The following DSCAML1 variants were observed in gnomAD, a reference collection of about 807,000 sequenced individuals.
DSCAML1 encodes cell adhesion molecule DSCAML1.
DSCAML1 carries 38 observed loss-of-function variants against 200.5 expected under a neutral mutation model. That is an observed-to-expected ratio of 0.19 (90% CI 0.15 to 0.25). The LOEUF (loss-of-function observed/expected upper bound fraction) is 0.25. DSCAML1 is among the 10% of genes least tolerant of loss of function. The pLI is 1.00. For missense variants in DSCAML1, 2,223 were observed against 2,858.8 expected (o/e 0.78, Z 5.07); for synonymous variants, 1,215 against 1,165.0 (o/e 1.04, Z -0.87).
chr11:117,720,656 T>C (rs1403166071), intron 3 of DSCAML1, among the ~76,000 whole-genome samples: 1 of 152,244 alleles, frequency 6.6e-6, no homozygotes, highest in African/African-American at 2.4e-5. Flanking sequence ...GTCTTGGACT[T>C]GAGTCAGCCA....
Position 117,461,517 on chromosome 11 carries a change from C to A in DSCAML1, c.3345G>T (p.Pro1115=), listed in dbSNP as rs572641245. 10 of 1,614,150 alleles carry A rather than the reference C, an allele frequency of 6.2e-6. No individual in the cohort carries two copies. The highest frequency in any genetic ancestry group is 8.5e-6 in the Non-Finnish European group (10 of 1,180,032). The change falls in exon 18 of 33, where the codon CCG becomes CCT. Residue 1115 remains proline, a synonymous_variant. Transcript: ENST00000651296. ...TGAGGACGCCATTGAGGGTGCTGCG[C>A]GGGGGCTCTGACCAGGAGATGACGG... ...DVAVISWSEP[P]RSTLNGVLKG...
chr11:117,493,301 C>T (rs1376231226), intron 11 of DSCAML1, among the ~76,000 whole-genome samples: 2 of 150,934 alleles, frequency 1.3e-5, no homozygotes, highest in African/African-American at 2.4e-5. Flanking sequence ...CCCAGTTTTC[C>T]CCCTGCCTCT....
At chr11:117,550,128 A>G (rs757197590) in intron 3 of DSCAML1, among the ~76,000 whole-genome samples, 1 of 152,126 alleles carries the variant, frequency 6.6e-6, no homozygotes, top group African/African-American at 2.4e-5. Context: ...GCCTTTTACT[A>G]TTAATTTGTA....
intron 3 of DSCAML1, among the ~76,000 whole-genome samples, chr11:117,683,234 A>G (rs2053341950): frequency 6.6e-6 from 1 of 152,216 alleles, no homozygotes; most frequent in Admixed American, 6.5e-5. Context: ...AGGTCTGAAA[A>G]GAGGGAGTGC....
rs2137277092 is a variant in DSCAML1 at position 117,505,011 on chromosome 11, G to C, written c.2095C>G (p.Gln699Glu). 1.2e-6 allele frequency: 2 copies of C among 1,612,772 alleles called. No individual in the cohort carries two copies. The highest frequency in any genetic ancestry group is 8.5e-7 in the Non-Finnish European group (1 of 1,179,320). The change falls in exon 10 of 33, where the codon CAG (glutamine) becomes GAG (glutamate). Residue 699 changes from glutamine to glutamate, a missense_variant. Gln to Glu is a conservative substitution (Grantham distance 29). Transcript: ENST00000651296. This position sits in a 1 kb window ranked among gnomAD's most constrained non-coding sequence, Gnocchi z 6.7. ...PPRFVVQPNN[Q>E]DGIYGKAGVL... ...CCAGCTTTGCCGTAGATGCCATCCT[G>C]GTTGTTGGGTTGCACCACAAATCGA...
Position 117,503,818 on chromosome 11 carries a change from TA to T in DSCAML1, c.2359+26del. On this transcript the variant is annotated intron_variant, in intron 11 of 32. Coordinates refer to ENST00000651296, the MANE Select transcript of DSCAML1 (RefSeq NM_020693.4). This position sits in a 1 kb window ranked among gnomAD's most constrained non-coding sequence, Gnocchi z 5.2. ...GGGCTTGGCTGTGATTTGGGGGTGC[TA>T]GGGGGCGTGTGGGGACAGGACTCAC... is the stretch of plus-strand genomic sequence containing the variant. 1 of 1,605,380 alleles carries T rather than the reference TA, an allele frequency of 6.2e-7. No individual in the cohort carries two copies. Among genetic ancestry groups the T allele is most frequent in the Non-Finnish European group, 8.5e-7 (1 of 1,175,554 alleles).
At chr11:117,484,036 TG>T (rs2048986210) in intron 11 of DSCAML1, among the ~76,000 whole-genome samples, 1 of 21,158 alleles carries the variant, frequency 4.7e-5, no homozygotes, top group Admixed American at 3.6e-4. Context: ...CCCCCGCCCC[TG>T]CCCCCCGCCC....
intron 3 of DSCAML1, among the ~76,000 whole-genome samples, chr11:117,699,226 G>A (rs1016043656): frequency 1.3e-5 from 2 of 152,190 alleles, no homozygotes; most frequent in African/African-American, 4.8e-5. Context: ...ACAAAGGCAG[G>A]AGCTACCCAA....
Position 117,642,779 on chromosome 11 carries a change from G to A in DSCAML1, c.512-110257C>T, listed in dbSNP as rs2052438873. Among the ~76,000 whole-genome samples, 1 of 152,098 alleles carries A rather than the reference G, an allele frequency of 6.6e-6. No homozygotes were observed. The highest frequency in any genetic ancestry group is 2.1e-4 in the South Asian group (1 of 4,822). On this transcript the variant is annotated intron_variant, in intron 3 of 32. Coordinates refer to ENST00000651296, the MANE Select transcript of DSCAML1 (RefSeq NM_020693.4). This position sits in a 1 kb window ranked among gnomAD's most constrained non-coding sequence, Gnocchi z 4.1. The stretch of plus-strand genomic sequence containing the variant: ...CCCTGGTGATTCCCATCTCACTCTT[G>A]GATTCCTTCATCCCCTTTCCACCTC...
intron 3 of DSCAML1, among the ~76,000 whole-genome samples, chr11:117,743,407 G>A (rs11216521): frequency 0.089 from 13,493 of 152,220 alleles, 1,123 homozygotes; most frequent in African/African-American, 0.21. Context: ...ATAAACTCCA[G>A]GCTTCCTGAC....
At chr11:117,533,433 C>T (rs934099285) in intron 3 of DSCAML1, among the ~76,000 whole-genome samples, 6 of 152,344 alleles carry the variant, frequency 3.9e-5, no homozygotes, top group African/African-American at 1.4e-4. Flanking sequence ...ATCCCCTTCT[C>T]TCAATTTAAA....
chr11:117,749,328 A>G (rs1467589100), intron 3 of DSCAML1, among the ~76,000 whole-genome samples: 1 of 152,170 alleles, frequency 6.6e-6, no homozygotes, highest in African/African-American at 2.4e-5. Context: ...CCATTCAGAG[A>G]GCGGCATGTA....
At chr11:117,569,744 G>A (rs2050815278) in intron 3 of DSCAML1, among the ~76,000 whole-genome samples, 1 of 152,188 alleles carries the variant, frequency 6.6e-6, no homozygotes, top group Admixed American at 6.5e-5. Flanking sequence ...ATGCAGCTCA[G>A]TCTGACCAAC....
At chr11:117,556,946 G>A (rs1413681330) in intron 3 of DSCAML1, among the ~76,000 whole-genome samples, 3 of 152,156 alleles carry the variant, frequency 2.0e-5, no homozygotes, top group South Asian at 2.1e-4. Flanking sequence ...CTAGTAAAGC[G>A]GTGGCACATT....
upstream of DSCAML1, chr11:117,800,791 G>T (rs1213777006): frequency 6.6e-6 from 1 of 152,268 alleles, no homozygotes; most frequent in African/African-American, 2.4e-5. Flanking sequence ...GTTAATCATG[G>T]ATATTTAGGG....
At chr11:117,628,184 G>T (rs899948786) in intron 3 of DSCAML1, among the ~76,000 whole-genome samples, 1 of 152,212 alleles carries the variant, frequency 6.6e-6, no homozygotes, top group African/African-American at 2.4e-5. Flanking sequence ...GAGGGAACTA[G>T]AATCAAATCT....
At chr11:117,450,750 G>A (rs1480416957) in intron 19 of DSCAML1, 62 bp from the exon 20 acceptor site, 4 of 1,564,030 alleles carry the variant, frequency 2.6e-6, no homozygotes, top group Admixed American at 1.9e-5. Flanking sequence ...TGGGGAAAAT[G>A]ACAGAGTTGG....
At chr11:117,451,137 G>T (rs1254589894) in intron 19 of DSCAML1, among the ~76,000 whole-genome samples, 1 of 152,128 alleles carries the variant, frequency 6.6e-6, no homozygotes, top group Non-Finnish European at 1.5e-5. Flanking sequence ...CTGTTTTCTG[G>T]CATGAGCCCA....
chr11:117,602,672 C>T (rs991460560), intron 3 of DSCAML1, among the ~76,000 whole-genome samples: 12 of 152,120 alleles, frequency 7.9e-5, no homozygotes, highest in Admixed American at 5.2e-4. Flanking sequence ...AAGGGTCCCT[C>T]TCTTTCGACT....
Sources: allele counts gnomAD v4.1 joint callset (sites outside exome capture counted in the v4.1 genomes callset), GRCh38; gene constraint gnomAD v4.1.1; non-coding constraint Gnocchi (gnomAD v3.1); transcripts MANE v1.5; gene names NCBI Gene and HGNC (gene_info 2026-07-23, HGNC 2026-07-21).